The following SMCHD1 variants were observed in gnomAD, a reference collection of about 807,000 sequenced individuals.
SMCHD1 encodes structural maintenance of chromosomes flexible hinge domain-containing protein 1.
SMCHD1 carries 78 observed loss-of-function variants against 254.7 expected under a neutral mutation model. The ratio of observed to expected loss-of-function variants is 0.31; its 90% CI spans 0.26 to 0.37. The LOEUF (loss-of-function observed/expected upper bound fraction) is 0.37. Among genes scored for constraint, SMCHD1 ranks in the 10% least tolerant of loss-of-function variants. The pLI is 1.00. For missense variants in SMCHD1, 1,840 were observed against 2,408.1 expected (o/e 0.76, Z 4.94); for synonymous variants, 766 against 794.9 (o/e 0.96, Z 0.61).
At chr18:2,796,182 C>T (rs1471065047) in intron 46 of SMCHD1, 75 bp downstream of exon 46, 14 of 1,276,992 alleles carry the variant, frequency 1.1e-5, no homozygotes, top group African/African-American at 3.1e-5. Context: ...AGAATCCAAC[C>T]GTAAGAAAAA....
chr18:2,661,819 A>G (rs1356837278), intron 1 of SMCHD1, among the ~76,000 whole-genome samples: 1 of 152,188 alleles, frequency 6.6e-6, no homozygotes, highest in Non-Finnish European at 1.5e-5. Context: ...TAAATGAACT[A>G]TTATATGCAG....
chr18:2,749,991 G>T lies in SMCHD1; in HGVS notation c.3928-52G>T, dbSNP rs2075541016. The stretch of plus-strand genomic sequence containing the variant: ...ACATTGTAATGGAAGAAAAGAACTT[G>T]ATTGATCTCTAGAATTTTCTAATTA... On this transcript the variant is annotated intron_variant, in intron 30 of 47. Transcript: ENST00000320876. 2.1e-6 allele frequency: 3 copies of T among 1,446,886 alleles called. No individual in the cohort carries two copies. In the East Asian group the frequency reaches 7.4e-5, roughly 36 times the overall value. The allele number at this position is 1,446,886 out of a possible 1,614,324, so 89.6% of individuals were successfully genotyped here. A position where few individuals can be genotyped will look rare whatever the true frequency, so the allele number is the denominator to read the frequency against.
At chr18:2,731,254 T>G (rs571112205) in intron 24 of SMCHD1, among the ~76,000 whole-genome samples, 4 of 152,346 alleles carry the variant, frequency 2.6e-5, no homozygotes, top group African/African-American at 9.6e-5. Context: ...TTAAGTAAGA[T>G]TATAAAGGTA....
chr18:2,801,162 G>A (rs1289029355), intron 47 of SMCHD1: 1 of 152,166 alleles, frequency 6.6e-6, no homozygotes, highest in Non-Finnish European at 1.5e-5. Flanking sequence ...GGATTTCCTA[G>A]GGATGAATAA....
At chr18:2,802,072 G>A (rs2076373238) in intron 47 of SMCHD1, among the ~76,000 whole-genome samples, 1 of 152,102 alleles carries the variant, frequency 6.6e-6, no homozygotes, top group South Asian at 2.1e-4. Flanking sequence ...TTTAAAATCT[G>A]TAGCTATATA....
chr18:2,757,605 C>G (rs1249813181), intron 34 of SMCHD1, among the ~76,000 whole-genome samples: 2 of 151,996 alleles, frequency 1.3e-5, no homozygotes, highest in African/African-American at 4.8e-5. Flanking sequence ...TTAGTTTACC[C>G]TGTATGATTT....
chr18:2,782,487 C>T (rs2076171215), intron 44 of SMCHD1, among the ~76,000 whole-genome samples: 1 of 151,896 alleles, frequency 6.6e-6, no homozygotes, highest in Admixed American at 6.6e-5. Context: ...TGCCTGTAAT[C>T]TCAGCACTTT....
chr18:2,714,202 T>A (rs2074744499), intron 17 of SMCHD1, among the ~76,000 whole-genome samples: 1 of 152,198 alleles, frequency 6.6e-6, no homozygotes, highest in Admixed American at 6.5e-5. Context: ...TTAGAATTGT[T>A]ATATCTTCAT....
chr18:2,681,338 G>A (rs768917268), intron 5 of SMCHD1, among the ~76,000 whole-genome samples: 8 of 151,000 alleles, frequency 5.3e-5, no homozygotes, highest in East Asian at 3.9e-4. Context: ...ACTTGAACCT[G>A]GGAGGTGGAG....
chr18:2,676,110 G>A (rs1347515922), intron 5 of SMCHD1, among the ~76,000 whole-genome samples: 1 of 151,962 alleles, frequency 6.6e-6, no homozygotes, highest in Non-Finnish European at 1.5e-5. Flanking sequence ...TTTTTTTCTG[G>A]ATACAAGGAT....
chr18:2,773,049 C>T (rs1223146462), intron 41 of SMCHD1, among the ~76,000 whole-genome samples: 2 of 152,208 alleles, frequency 1.3e-5, no homozygotes, highest in South Asian at 4.1e-4. Context: ...CAAGGTCTCT[C>T]TGACTCTAAA....
chr18:2,660,280 G>A (rs1040377093), intron 1 of SMCHD1, among the ~76,000 whole-genome samples: 6 of 151,996 alleles, frequency 3.9e-5, no homozygotes, highest in Admixed American at 6.6e-5. Flanking sequence ...AGCTGAGAAC[G>A]CACCGCTGCA....
At chr18:2,767,584 CTT>C (rs397858216) in intron 37 of SMCHD1, among the ~76,000 whole-genome samples, 15,860 of 87,568 alleles carry the variant, frequency 0.18, 410 homozygotes, top group South Asian at 0.26. Flanking sequence ...AACCTATTTC[CTT>C]TTTTTTTTTT....
chr18:2,719,964 C>A (rs750955105), intron 19 of SMCHD1, among the ~76,000 whole-genome samples: 1 of 150,786 alleles, frequency 6.6e-6, no homozygotes, highest in African/African-American at 2.4e-5. Flanking sequence ...TGTTAGCCAC[C>A]GCACGTGGCC....
At chr18:2,796,335 T>A in intron 46 of SMCHD1, 72 bp from the exon 47 acceptor site, 1 of 1,000,240 alleles carries the variant, frequency 1.0e-6, no homozygotes. Context: ...TTATGACATA[T>A]TCATGTTTGC....
intron 7 of SMCHD1, among the ~76,000 whole-genome samples, chr18:2,692,091 A>G (rs1292267793): frequency 6.6e-6 from 1 of 152,236 alleles, no homozygotes; most frequent in African/African-American, 2.4e-5. Context: ...CAATCCAAAC[A>G]GTATTTTTTT....
chr18:2,764,655 TACA>T (rs2075838422), intron 37 of SMCHD1, among the ~76,000 whole-genome samples: 1 of 152,176 alleles, frequency 6.6e-6, no homozygotes. Context: ...CCATAAACAA[TACA>T]ACAACTATTT....
At chr18:2,725,165 T>C (rs957319677) in intron 21 of SMCHD1, among the ~76,000 whole-genome samples, 170 bp downstream of exon 21, 49 of 152,112 alleles carry the variant, frequency 3.2e-4, no homozygotes, top group African/African-American at 1.2e-3. Context: ...CAGTTACATC[T>C]GTAAGAAAAG....
intron 7 of SMCHD1, among the ~76,000 whole-genome samples, chr18:2,692,564 C>A (rs937474868): frequency 6.6e-6 from 1 of 152,128 alleles, no homozygotes; most frequent in Non-Finnish European, 1.5e-5. Flanking sequence ...TTTCATCTAT[C>A]CTCTCTTCCA....
Sources: gnomAD v4.1 joint callset for allele counts (sites outside exome capture counted in the v4.1 genomes callset) on GRCh38, gnomAD v4.1.1 for gene constraint, MANE v1.5 for transcripts, NCBI Gene and HGNC (gene_info 2026-07-23, HGNC 2026-07-21) for gene names.